Variants in MARCHF10 observed in about 807,000 individuals in gnomAD.
The protein encoded by MARCHF10 is membrane associated ring-CH-type finger 10, also known as probable E3 ubiquitin-protein ligase MARCHF10.
In MARCHF10, 64 loss-of-function variants were observed where a neutral mutation model predicts 76.2. The ratio of observed to expected loss-of-function variants is 0.84; its 90% CI spans 0.69 to 1.03. The LOEUF (loss-of-function observed/expected upper bound fraction) is 1.03, where lower values mean the gene tolerates loss of function less well. Ranked by LOEUF, MARCHF10 falls within the 50% of genes least tolerant of loss-of-function variation. The pLI, the probability that MARCHF10 is intolerant of heterozygous loss-of-function variation, is 0.00. For synonymous variants in MARCHF10, 340 were observed against 357.5 expected (o/e 0.95, Z 0.55); for missense variants, 875 against 958.0 (o/e 0.91, Z 1.14).
At chr17:62,743,626 G>A (rs2091596039) in intron 5 of MARCHF10, among the ~76,000 whole-genome samples, 1 of 152,164 alleles carries the variant, frequency 6.6e-6, no homozygotes, top group South Asian at 2.1e-4. Flanking sequence ...CTGGGCAACA[G>A]AGGGAGACTC....
chr17:62,722,489 T>G lies in MARCHF10; in HGVS notation c.2213A>C (p.Gln738Pro). ...AGGCAGAGTGGCCACATTTCTTACCTGAGATTGCTGGTGCTTCTGGTAGAA... is the reference window on the plus strand; with the variant it reads ...AGGCAGAGTGGCCACATTTCTTACCGGAGATTGCTGGTGCTTCTGGTAGAA... ...IEFYQKHQQS[Q>P]AQNELMNSGL... The change falls in exon 8 of 11, where the codon CAG becomes CCG. Residue 738 changes from glutamine (Q) to proline (P), a missense_variant and splice_region_variant. Transcript: ENST00000311269. The G allele has an allele frequency of 6.2e-7, 1 of 1,610,880 alleles. No homozygotes were observed. The highest frequency in any genetic ancestry group is 8.5e-7 in the Non-Finnish European group (1 of 1,178,200).
chr17:62,773,064 C>T (rs997961544), intron 3 of MARCHF10, among the ~76,000 whole-genome samples: 6 of 152,102 alleles, frequency 3.9e-5, no homozygotes, highest in Admixed American at 6.6e-5. Context: ...GTTCACCATG[C>T]GGCCAAAGAG....
intron 3 of MARCHF10, among the ~76,000 whole-genome samples, chr17:62,779,172 G>A (rs1568198190): frequency 6.6e-6 from 1 of 152,086 alleles, no homozygotes; most frequent in African/African-American, 2.4e-5. Context: ...AGAACACCAC[G>A]CCAGGTGTTA....
chr17:62,718,076 T>C (rs2090308653), intron 8 of MARCHF10, among the ~76,000 whole-genome samples: 1 of 152,174 alleles, frequency 6.6e-6, no homozygotes, highest in East Asian at 1.9e-4. Context: ...ACAGTTCTCA[T>C]GCGTGGAGCC....
Position 62,736,158 on chromosome 17 carries a change from C to G in MARCHF10, c.1710G>C (p.Leu570Phe). 1 of 1,614,212 alleles carries G rather than the reference C, an allele frequency of 6.2e-7. No homozygotes were observed. The highest frequency in any genetic ancestry group is 1.1e-5 in the South Asian group (1 of 91,084). Residue 570 changes from leucine (L) to phenylalanine (F), a missense_variant, in exon 6 of 11, where the codon TTG (leucine) becomes TTC (phenylalanine). Transcript: ENST00000311269. ...AGGAGCTGGAAGAATCCACTAAGGACAAATTGCCCTGTGGATTTAGTAAGA... is the reference window on the plus strand; with the variant it reads ...AGGAGCTGGAAGAATCCACTAAGGAGAAATTGCCCTGTGGATTTAGTAAGA... The part of the protein sequence containing the change: ...TDLLLNPQGN[L>F]SLVDSSSSSP...
Position 62,733,954 on chromosome 17 carries a change from G to A in MARCHF10, c.1937+1977C>T, listed in dbSNP as rs555127173. ...ATCCAGGACTTTGGGAGGCCAAGAC[G>A]GGTGGATTGCTTGAGATCAAGAGTT... On this transcript the variant is annotated intron_variant, in intron 6 of 10. Coordinates refer to ENST00000311269, the MANE Select transcript of MARCHF10 (RefSeq NM_152598.4). Among the ~76,000 whole-genome samples the A allele has an allele frequency of 1.7e-3, 260 of 152,260 alleles. 1 individual carries two copies. The highest frequency in any genetic ancestry group is 6.1e-3 in the African/African-American group (252 of 41,534).
At chr17:62,782,904 T>G (rs965760207) in intron 3 of MARCHF10, among the ~76,000 whole-genome samples, 1 of 152,206 alleles carries the variant, frequency 6.6e-6, no homozygotes, top group African/African-American at 2.4e-5. Context: ...CCTCTGCTTT[T>G]GTGTCCAGGG....
intron 2 of MARCHF10, among the ~76,000 whole-genome samples, chr17:62,789,538 G>T (rs1430126158): frequency 6.6e-6 from 1 of 152,146 alleles, no homozygotes; most frequent in Non-Finnish European, 1.5e-5. Context: ...GTAGGTAGTT[G>T]TTTGTGGTTT....
intron 8 of MARCHF10, among the ~76,000 whole-genome samples, chr17:62,713,608 G>A (rs1176989059): frequency 2.0e-5 from 3 of 152,156 alleles, no homozygotes; most frequent in African/African-American, 4.8e-5. Flanking sequence ...AGTCAACTCC[G>A]AATCAGCCTT....
rs368942272 is a variant in MARCHF10 at position 62,758,336 on chromosome 17, G to A, written c.382+1499C>T. Among the ~76,000 whole-genome samples the A allele has an allele frequency of 4.7e-4, 72 of 152,218 alleles. No homozygotes were observed. In the East Asian group the frequency reaches 0.01, roughly 22 times the overall value. ...TGCACTCCAGCCTGGGCAACAGAGC[G>A]AGACTCTGTCTCAACAGAAACAAAC... On this transcript the variant is annotated intron_variant, in intron 4 of 10. Coordinates refer to ENST00000311269, the MANE Select transcript of MARCHF10 (RefSeq NM_152598.4).
At chr17:62,714,739 C>G (rs920481076) in intron 8 of MARCHF10, among the ~76,000 whole-genome samples, 1 of 152,072 alleles carries the variant, frequency 6.6e-6, no homozygotes, top group Non-Finnish European at 1.5e-5. Flanking sequence ...GTCCCGTCCC[C>G]TCCCCTCCCC....
At chr17:62,803,965 A>C (rs2093122249) in intron 1 of MARCHF10, among the ~76,000 whole-genome samples, 1 of 152,224 alleles carries the variant, frequency 6.6e-6, no homozygotes, top group South Asian at 2.1e-4. Context: ...AAAGGGATTA[A>C]GTAACTTCCC....
chr17:62,757,047 A>G (rs2092066159), intron 4 of MARCHF10, among the ~76,000 whole-genome samples: 1 of 152,216 alleles, frequency 6.6e-6, no homozygotes, highest in South Asian at 2.1e-4. Context: ...ATGGCAGATT[A>G]CATACAAAGA....
chr17:62,758,725 G>A (rs2092114328), intron 4 of MARCHF10, among the ~76,000 whole-genome samples: 1 of 152,214 alleles, frequency 6.6e-6, no homozygotes, highest in Admixed American at 6.5e-5. Flanking sequence ...AGACTTAACT[G>A]GATGGGTGGT....
intron 5 of MARCHF10, 44 bp from the exon 6 acceptor site, chr17:62,737,376 C>T: frequency 1.3e-6 from 2 of 1,576,400 alleles, no homozygotes; most frequent in Non-Finnish European, 1.7e-6. Context: ...TAAAAGGGCC[C>T]ATGGATGAAA....
chr17:62,703,400 G>A (rs2089366826), intron 10 of MARCHF10: 2 of 152,454 alleles, frequency 1.3e-5, no homozygotes, highest in African/African-American at 2.4e-5. Context: ...CTATGGGGGA[G>A]GCTGGGTGCC....
chr17:62,785,191 G>C (rs527861621), intron 3 of MARCHF10, among the ~76,000 whole-genome samples: 2 of 152,202 alleles, frequency 1.3e-5, no homozygotes, highest in East Asian at 1.9e-4. Flanking sequence ...TAGACCAATG[G>C]AACAGAAAAG....
At chr17:62,726,008 C>A (rs900160865) in intron 6 of MARCHF10, 4 of 152,194 alleles carry the variant, frequency 2.6e-5, no homozygotes, top group Non-Finnish European at 4.4e-5. Context: ...ACAGAGTTCA[C>A]TTAATAGATG....
At chr17:62,742,970 G>A (rs1363254383) in intron 5 of MARCHF10, among the ~76,000 whole-genome samples, 1 of 152,142 alleles carries the variant, frequency 6.6e-6, no homozygotes, top group Non-Finnish European at 1.5e-5. Flanking sequence ...AGTTCATTAA[G>A]GGTTGTTGGC....
Sources: gnomAD v4.1 joint callset for allele counts (sites outside exome capture counted in the v4.1 genomes callset) on GRCh38, gnomAD v4.1.1 for gene constraint, MANE v1.5 for transcripts, NCBI Gene and HGNC (gene_info 2026-07-23, HGNC 2026-07-21) for gene names.